EYS: variants seen among roughly 807,000 people sequenced by gnomAD.
EYS encodes EGF-like photoreceptor maintenance factor.
A neutral mutation model predicts 282.1 loss-of-function variants in EYS; 250 were observed. The observed-to-expected ratio is 0.89, with a 90% CI of 0.80 to 0.98. EYS has a LOEUF of 0.98. Ranked by LOEUF, EYS falls within the 50% of genes least tolerant of loss-of-function variation. EYS has a pLI of 0.00. For synonymous variants in EYS, 1,355 were observed against 1,282.9 expected (o/e 1.06, Z -1.20); for missense variants, 4,016 against 3,709.0 (o/e 1.08, Z -2.15).
chr6:64,954,259 C>T (rs868806396), intron 14 of EYS, among the ~76,000 whole-genome samples: 3 of 150,948 alleles, frequency 2.0e-5, no homozygotes, highest in Middle Eastern at 3.2e-3. Flanking sequence ...GTTCCTTTAC[C>T]TTTAATGTCG....
chr6:64,101,235 C>T (rs925939095), intron 31 of EYS, among the ~76,000 whole-genome samples: 1 of 151,822 alleles, frequency 6.6e-6, no homozygotes, highest in African/African-American at 2.4e-5. Context: ...GGTTTTCAGA[C>T]TATCTTCTGT....
intron 19 of EYS, among the ~76,000 whole-genome samples, chr6:64,865,926 T>C: frequency 6.6e-6 from 1 of 152,058 alleles, no homozygotes; most frequent in East Asian, 1.9e-4. Flanking sequence ...CCAAGATTTA[T>C]GGTGTGGTAT....
At chr6:64,495,688 T>C (rs879482961) in intron 26 of EYS, among the ~76,000 whole-genome samples, 8 of 151,876 alleles carry the variant, frequency 5.3e-5, no homozygotes, top group Non-Finnish European at 1.0e-4. Flanking sequence ...AGACAAGACA[T>C]AGAGTAAGAC....
At chr6:64,200,045 A>G (rs370392704) in intron 31 of EYS, among the ~76,000 whole-genome samples, 34 of 152,212 alleles carry the variant, frequency 2.2e-4, no homozygotes, top group African/African-American at 8.0e-4. Flanking sequence ...AGAAATGTAA[A>G]TATATATTGT....
chr6:64,048,754 T>G (rs1159439665), intron 33 of EYS, among the ~76,000 whole-genome samples: 1 of 152,134 alleles, frequency 6.6e-6, no homozygotes, highest in Non-Finnish European at 1.5e-5. Flanking sequence ...GGTTTCTGTT[T>G]CCTCTGATTG....
chr6:65,225,316 T>C (rs1179309570), intron 12 of EYS, among the ~76,000 whole-genome samples: 1 of 150,202 alleles, frequency 6.7e-6, no homozygotes, highest in Non-Finnish European at 1.5e-5. Context: ...ATTATAATTA[T>C]ATAGTATAGC....
At chr6:65,039,879 C>G (rs985875172) in intron 13 of EYS, among the ~76,000 whole-genome samples, 1 of 151,368 alleles carries the variant, frequency 6.6e-6, no homozygotes, top group Admixed American at 6.6e-5. Flanking sequence ...GATAAATAGA[C>G]AAACAAGAAA....
chr6:65,673,340 G>A (rs369239966), intron 1 of EYS, among the ~76,000 whole-genome samples: 1 of 151,850 alleles, frequency 6.6e-6, no homozygotes, highest in Non-Finnish European at 1.5e-5. Context: ...GTGGTAAGAG[G>A]CAATATTGTG....
intron 12 of EYS, among the ~76,000 whole-genome samples, chr6:65,087,471 T>C (rs992681055): frequency 3.3e-5 from 5 of 152,162 alleles, no homozygotes; most frequent in Non-Finnish European, 7.3e-5. Flanking sequence ...ATTGGCTTTA[T>C]GATACTACAC....
At chr6:63,905,907 A>G (rs1198235337) in intron 35 of EYS, among the ~76,000 whole-genome samples, 1 of 152,210 alleles carries the variant, frequency 6.6e-6, no homozygotes, top group Non-Finnish European at 1.5e-5. Context: ...ATCCAGACTA[A>G]GCTGGATAAT....
chr6:65,321,652 A>C (rs1769478903), intron 11 of EYS, among the ~76,000 whole-genome samples: 1 of 152,244 alleles, frequency 6.6e-6, no homozygotes, highest in Non-Finnish European at 1.5e-5. Context: ...CATGAAGGCT[A>C]TAACCAGCAC....
At chr6:64,451,153 C>T (rs1226513051) in intron 26 of EYS, among the ~76,000 whole-genome samples, 9 of 151,974 alleles carry the variant, frequency 5.9e-5, no homozygotes, top group Admixed American at 2.0e-4. Flanking sequence ...CAAATAGATG[C>T]AATAAAAAAA....
intron 35 of EYS, among the ~76,000 whole-genome samples, chr6:63,936,600 T>C (rs1252785501): frequency 6.6e-6 from 1 of 152,362 alleles, no homozygotes; most frequent in African/African-American, 2.4e-5. Flanking sequence ...TTTCTGTTAA[T>C]GATTCACCCA....
chr6:65,295,630 G>A, intron 12 of EYS: 1 of 521,220 alleles, frequency 1.9e-6, no homozygotes, highest in Non-Finnish European at 3.4e-6. Context: ...GCTTCAGCCT[G>A]ACCTTATTAG....
At chr6:64,022,429 T>C (rs983513696) in intron 33 of EYS, among the ~76,000 whole-genome samples, 1 of 152,240 alleles carries the variant, frequency 6.6e-6, no homozygotes, top group African/African-American at 2.4e-5. Context: ...TTTACCATTT[T>C]CACAATTATT....
At chr6:63,981,469 T>C (rs192141570) in intron 35 of EYS, among the ~76,000 whole-genome samples, 190 of 151,996 alleles carry the variant, frequency 1.3e-3, no homozygotes, top group African/African-American at 4.5e-3. Context: ...ATAGCTGCCA[T>C]GGAGCAGCAT....
rs552322681 is a variant in EYS at position 64,890,430 on chromosome 6, A to G, written c.2847-3588T>C. On this transcript the variant is annotated intron_variant, in intron 18 of 42. Transcript: ENST00000503581. Reference sequence around the variant, plus strand: ...GTGAGGCATCACGGAACCTACAGACATGTGATGTCTCCCCTGGACGCCCAG... The same window carrying G: ...GTGAGGCATCACGGAACCTACAGACGTGTGATGTCTCCCCTGGACGCCCAG... 5.9e-5 allele frequency among the ~76,000 whole-genome samples: 9 copies of G among 152,254 alleles called. 1 individual carries two copies. The South Asian group carries it at 1.4e-3, about 25-fold the overall frequency.
chr6:64,895,247 A>G (rs1767421831), intron 18 of EYS, among the ~76,000 whole-genome samples: 1 of 152,210 alleles, frequency 6.6e-6, no homozygotes, highest in South Asian at 2.1e-4. Context: ...TTGGATCTCT[A>G]TGAAGATAGA....
chr6:63,730,463 C>T (rs73762466), intron 41 of EYS, among the ~76,000 whole-genome samples: 5,835 of 152,224 alleles, frequency 0.038, 384 homozygotes, highest in African/African-American at 0.13. Context: ...CTGTTAAATT[C>T]CCAACATTCC....
Sources: gnomAD v4.1 joint callset for allele counts (sites outside exome capture counted in the v4.1 genomes callset) on GRCh38, gnomAD v4.1.1 for gene constraint, MANE v1.5 for transcripts, NCBI Gene and HGNC (gene_info 2026-07-23, HGNC 2026-07-21) for gene names.